Variants in PCDHA11 observed in about 807,000 individuals in gnomAD.
The protein encoded by PCDHA11 is protocadherin alpha 11.
In PCDHA11, 61 loss-of-function variants were observed where a neutral mutation model predicts 70.3. The ratio of observed to expected loss-of-function variants is 0.87; its 90% CI spans 0.71 to 1.07. The LOEUF (loss-of-function observed/expected upper bound fraction) is 1.07. Among genes scored for constraint, PCDHA11 ranks in the 50% least tolerant of loss-of-function variants. The pLI, the probability that PCDHA11 is intolerant of heterozygous loss-of-function variation, is 0.00. For synonymous variants in PCDHA11, 633 were observed against 555.1 expected (o/e 1.14, Z -1.97); for missense variants, 1,324 against 1,237.5 (o/e 1.07, Z -1.05).
chr5:140,890,488 T>C (rs1022131727), intron 1 of PCDHA11, among the ~76,000 whole-genome samples: 20 of 152,340 alleles, frequency 1.3e-4, no homozygotes, highest in African/African-American at 4.8e-4. Flanking sequence ...GTTATTTTTG[T>C]CTCACCATTT....
At chr5:140,998,645 A>T (rs1020510258) in intron 3 of PCDHA11, among the ~76,000 whole-genome samples, 12 of 151,600 alleles carry the variant, frequency 7.9e-5, no homozygotes, top group Non-Finnish European at 1.6e-4. Context: ...GCTCACTGCA[A>T]CCTCTGCCTC....
At chr5:140,883,744 C>T (rs782708384) in intron 1 of PCDHA11, 1 of 1,613,374 alleles carries the variant, frequency 6.2e-7, no homozygotes, top group South Asian at 1.1e-5. Flanking sequence ...TGGTCTCCTA[C>T]TCGCTGGTGG....
chr5:140,924,165 C>G (rs782754845), intron 1 of PCDHA11, among the ~76,000 whole-genome samples: 5 of 152,230 alleles, frequency 3.3e-5, no homozygotes, highest in Admixed American at 1.3e-4. Context: ...ATCCTAATCT[C>G]TGGCACTGAA....
intron 1 of PCDHA11, among the ~76,000 whole-genome samples, chr5:140,917,332 G>C (rs182473611): frequency 8.9e-5 from 13 of 145,644 alleles, no homozygotes; most frequent in East Asian, 6.0e-4. Flanking sequence ...GGCGGGGGAG[G>C]GGGGGGATGG....
Position 140,882,245 on chromosome 5 carries a change from G to C in PCDHA11, c.2391+10751G>C, listed in dbSNP as rs376978051. Reference sequence around the variant, plus strand: ...TAAGGCGTTGTATATATTGCAGATAGCTCTGAGGTTTTTGGAGTGTACCAT... The same window carrying C: ...TAAGGCGTTGTATATATTGCAGATACCTCTGAGGTTTTTGGAGTGTACCAT... On this transcript the variant is annotated intron_variant, in intron 1 of 3. Coordinates refer to ENST00000398640, the MANE Select transcript of PCDHA11 (RefSeq NM_018902.5). 82 of 1,592,614 alleles carry C rather than the reference G, an allele frequency of 5.1e-5. No homozygotes were observed. In the African/African-American group the frequency reaches 9.3e-4, roughly 18 times the overall value.
chr5:140,910,387 T>G (rs540534807), intron 1 of PCDHA11, among the ~76,000 whole-genome samples: 3 of 152,276 alleles, frequency 2.0e-5, no homozygotes, highest in Admixed American at 6.5e-5. Context: ...CCTTTGACAG[T>G]TGACTGGCCC....
intron 1 of PCDHA11, 146 bp from the exon 2 acceptor site, chr5:140,978,803 C>A: frequency 2.0e-6 from 3 of 1,485,240 alleles, no homozygotes; most frequent in Middle Eastern, 1.8e-4. Context: ...ATGTAGATAT[C>A]ATCATAGAGT....
chr5:140,898,881 A>G (rs1472274164), intron 1 of PCDHA11, among the ~76,000 whole-genome samples: 1 of 152,102 alleles, frequency 6.6e-6, no homozygotes, highest in Non-Finnish European at 1.5e-5. Context: ...AGTGGTTTGT[A>G]GTTCTCCTTG....
chr5:140,961,236 T>C (rs246004), intron 1 of PCDHA11, among the ~76,000 whole-genome samples: 47,773 of 152,034 alleles, frequency 0.31, 7,861 homozygotes, highest in East Asian at 0.53. Context: ...AAAAAGGTGA[T>C]GGAATTTATC....
chr5:140,995,346 A>G (rs2097678208), intron 3 of PCDHA11, among the ~76,000 whole-genome samples: 2 of 151,964 alleles, frequency 1.3e-5, no homozygotes, highest in South Asian at 4.2e-4. Context: ...GACGGCATGG[A>G]TAGGTCGGAC....
At chr5:140,926,471 T>G in intron 1 of PCDHA11, 1 of 162,332 alleles carries the variant, frequency 6.2e-6, no homozygotes, top group Non-Finnish European at 1.3e-5. Context: ...GAAAACACCG[T>G]TTAAGGAGAG....
intron 3 of PCDHA11, among the ~76,000 whole-genome samples, chr5:141,005,828 T>A (rs752447584): frequency 6.7e-6 from 1 of 149,690 alleles, no homozygotes; most frequent in African/African-American, 2.5e-5. Context: ...TGGCCTGTAG[T>A]CCCAGCCACT....
At position 140,870,486 on chromosome 5, in the gene PCDHA11, G is replaced by C. The variant is rs1318169830; in HGVS notation, c.1383G>C (p.Val461=). 5.0e-6 allele frequency: 8 copies of C among 1,614,136 alleles called. No individual in the cohort carries two copies. The highest frequency in any genetic ancestry group is 1.1e-5 in the South Asian group (1 of 91,096). Residue 461 remains valine (V), a synonymous_variant, in exon 1 of 4, where the codon GTG becomes GTC. Coordinates refer to ENST00000398640, the MANE Select transcript of PCDHA11 (RefSeq NM_018902.5). Reference sequence around the variant, plus strand: ...CGTTCGCACAGCCCGAGTACACCGTGTTCGTGAAGGAGAACAACCCACCAG... The same window carrying C: ...CGTTCGCACAGCCCGAGTACACCGTCTTCGTGAAGGAGAACAACCCACCAG... ...APAFAQPEYT[V]FVKENNPPGC...
At chr5:140,990,670 A>T (rs1172208113) in intron 3 of PCDHA11, among the ~76,000 whole-genome samples, 1 of 152,192 alleles carries the variant, frequency 6.6e-6, no homozygotes, top group Non-Finnish European at 1.5e-5. Flanking sequence ...CATTAGATGC[A>T]CACCAAGCTG....
chr5:140,876,814 G>C (rs571648883), intron 1 of PCDHA11: 4 of 1,614,226 alleles, frequency 2.5e-6, no homozygotes, highest in Non-Finnish European at 2.5e-6. Flanking sequence ...GGTGGCCGAC[G>C]TGAACGACAA....
chr5:140,878,556 A>C (rs959852623), intron 1 of PCDHA11, among the ~76,000 whole-genome samples: 1 of 152,156 alleles, frequency 6.6e-6, no homozygotes. Context: ...GATGATCCCA[A>C]ACTTATCATA....
rs1379948594 is a variant in PCDHA11, at chr5:140,982,575, G to A, written c.2539+12G>A. ...CAGTGCAACACCAGGTAAAGAGCTGGGGTCTCTCCATTCTTTCTTGGTTTC... is the reference window on the plus strand; with the variant it reads ...CAGTGCAACACCAGGTAAAGAGCTGAGGTCTCTCCATTCTTTCTTGGTTTC... On this transcript the variant is annotated intron_variant, in intron 3 of 3. Coordinates refer to ENST00000398640, the MANE Select transcript of PCDHA11 (RefSeq NM_018902.5). The A allele has an allele frequency of 6.2e-7, 1 of 1,613,444 alleles. No homozygotes were observed. The highest frequency in any genetic ancestry group is 8.5e-7 in the Non-Finnish European group (1 of 1,179,518).
chr5:140,912,993 T>C (rs186652657), intron 1 of PCDHA11, among the ~76,000 whole-genome samples: 1 of 152,294 alleles, frequency 6.6e-6, no homozygotes, highest in Non-Finnish European at 1.5e-5. Flanking sequence ...TTCAGTTTGC[T>C]AGTATTTTGT....
chr5:140,899,674 T>A (rs2067476984), intron 1 of PCDHA11, among the ~76,000 whole-genome samples: 1 of 152,220 alleles, frequency 6.6e-6, no homozygotes, highest in African/African-American at 2.4e-5. Flanking sequence ...GGCTTTGGTA[T>A]CAGGATGATG....
Sources: allele counts gnomAD v4.1 joint callset (sites outside exome capture counted in the v4.1 genomes callset), GRCh38; gene constraint gnomAD v4.1.1; transcripts MANE v1.5; gene names NCBI Gene and HGNC (gene_info 2026-07-23, HGNC 2026-07-21).